Variants in DUSP29 observed in about 807,000 individuals in gnomAD.
DUSP29 encodes atypical dual-specific protein phosphatase.
In DUSP29, 12 loss-of-function variants were observed where a neutral mutation model predicts 13.5. The observed-to-expected ratio is 0.89, with a 90% confidence interval of 0.57 to 1.44. DUSP29 has a LOEUF of 1.44. Ranked by LOEUF, DUSP29 falls within the 40% of genes most tolerant of loss-of-function variation. The probability of loss-of-function intolerance (pLI) is 0.00; values close to 1 mark genes in which losing one functional copy is unlikely to be tolerated. For missense variants in DUSP29, 308 were observed against 301.1 expected (o/e 1.02, Z -0.17); for synonymous variants, 134 against 128.7 (o/e 1.04, Z -0.28).
intron 1 of DUSP29, among the ~76,000 whole-genome samples, chr10:75,071,945 C>A (rs1847338744): frequency 6.6e-6 from 1 of 152,232 alleles, no homozygotes; most frequent in Non-Finnish European, 1.5e-5. Context: ...CAGGCACTGG[C>A]AGGCCTGCAG....
chr10:75,038,179 A>G (rs996228474), intron 3 of DUSP29, 102 bp from the exon 4 acceptor site: 55 of 1,462,070 alleles, frequency 3.8e-5, no homozygotes, highest in Non-Finnish European at 4.5e-5. Flanking sequence ...TCGCCCACAG[A>G]AAGTGACTCA....
At chr10:75,044,063 C>G in intron 2 of DUSP29, 46 bp from the exon 3 acceptor site, 1 of 1,566,174 alleles carries the variant, frequency 6.4e-7, no homozygotes, top group African/African-American at 1.4e-5. Flanking sequence ...CGCCCTGCCC[C>G]GGGTCCGGGA....
chr10:75,056,567 T>C (rs1348981109), intron 2 of DUSP29, among the ~76,000 whole-genome samples: 1 of 151,314 alleles, frequency 6.6e-6, no homozygotes, highest in Non-Finnish European at 1.5e-5. Flanking sequence ...CTCAGGAGGC[T>C]GAGGCAAGAG....
At chr10:75,052,745 C>T (rs563836328) in intron 2 of DUSP29, among the ~76,000 whole-genome samples, 1 of 152,332 alleles carries the variant, frequency 6.6e-6, no homozygotes, top group East Asian at 1.9e-4. Flanking sequence ...AGCCACCACG[C>T]CTGGCCAACT....
At chr10:75,050,749 T>TG (rs1846808320) in intron 2 of DUSP29, among the ~76,000 whole-genome samples, 1 of 152,084 alleles carries the variant, frequency 6.6e-6, no homozygotes, top group Non-Finnish European at 1.5e-5. Flanking sequence ...GAGGAATGAG[T>TG]GGGGAGTGGG....
chr10:75,072,044 CTG>C (rs757010256), intron 1 of DUSP29, among the ~76,000 whole-genome samples: 3 of 152,218 alleles, frequency 2.0e-5, no homozygotes, highest in African/African-American at 7.2e-5. Context: ...CAGGGAAAAA[CTG>C]TCTCCCTTCT....
chr10:75,047,051 C>G (rs1846721835), intron 2 of DUSP29, among the ~76,000 whole-genome samples: 1 of 152,212 alleles, frequency 6.6e-6, no homozygotes, highest in African/African-American at 2.4e-5. Context: ...GACTCATTGC[C>G]TGACACCTCC....
chr10:75,039,758 A>G (rs1329791347), intron 3 of DUSP29, among the ~76,000 whole-genome samples: 1 of 152,150 alleles, frequency 6.6e-6, no homozygotes, highest in South Asian at 2.1e-4. Flanking sequence ...GTAACTTGCA[A>G]AGAAATTCTG....
At chr10:75,044,373 A>G (rs1846659005) in intron 2 of DUSP29, among the ~76,000 whole-genome samples, 1 of 151,416 alleles carries the variant, frequency 6.6e-6, no homozygotes, top group Non-Finnish European at 1.5e-5. Context: ...CTCCAGAATA[A>G]CCTGTTCATC....
chr10:75,062,822 C>A (rs1220439078), intron 1 of DUSP29, among the ~76,000 whole-genome samples: 2 of 152,174 alleles, frequency 1.3e-5, no homozygotes, highest in African/African-American at 4.8e-5. Flanking sequence ...CAATGACACA[C>A]ACAATATCAA....
Position 75,058,323 on chromosome 10 carries a change from A to C in DUSP29, c.192T>G (p.Ile64Met). ...TGGGCCTGGGCACTTACTCATCGCC[A>C]ATGTAGAGCTTGGGCCAGACCTCGT... ...HVNEVWPKLY[I>M]GDEATALDRY... The change falls in exon 2 of 4, where the codon ATT (isoleucine) becomes ATG (methionine). Residue 64 changes from isoleucine (I) to methionine (M), a missense_variant. Coordinates refer to ENST00000338487, the MANE Select transcript of DUSP29 (RefSeq NM_001003892.3). The C allele has an allele frequency of 6.2e-7, 1 of 1,613,078 alleles. No homozygotes were observed. Among genetic ancestry groups the C allele is most frequent in the Non-Finnish European group, 8.5e-7 (1 of 1,179,428 alleles).
chr10:75,066,070 A>G (rs11001277), intron 1 of DUSP29, among the ~76,000 whole-genome samples: 3,662 of 152,184 alleles, frequency 0.024, 152 homozygotes, highest in African/African-American at 0.083. Context: ...GTTCTGTGGC[A>G]TGGCCCAGAA....
intron 1 of DUSP29, among the ~76,000 whole-genome samples, chr10:75,070,605 C>A (rs114056757): frequency 0.018 from 2,673 of 152,230 alleles, 51 homozygotes; most frequent in African/African-American, 0.034. Flanking sequence ...GAATTCCCAG[C>A]TGTACTGGGA....
At chr10:75,072,458 T>C (rs1021465354) in intron 1 of DUSP29, among the ~76,000 whole-genome samples, 2 of 152,028 alleles carry the variant, frequency 1.3e-5, no homozygotes, top group Non-Finnish European at 2.9e-5. Context: ...CCACTAACTC[T>C]CCTCAGACCC....
At chr10:75,038,449 C>G (rs371034764) in intron 3 of DUSP29, among the ~76,000 whole-genome samples, 29 of 152,194 alleles carry the variant, frequency 1.9e-4, no homozygotes, top group African/African-American at 2.4e-4. Flanking sequence ...GGCATGACCG[C>G]GCTCCTGGGG....
chr10:75,055,548 A>T (rs564337628), intron 2 of DUSP29, among the ~76,000 whole-genome samples: 113 of 152,348 alleles, frequency 7.4e-4, no homozygotes, highest in African/African-American at 2.6e-3. Context: ...ATCTATAAAA[A>T]CAGAAAGTAG....
intron 3 of DUSP29, among the ~76,000 whole-genome samples, chr10:75,041,514 G>C (rs1212499043): frequency 6.6e-6 from 1 of 152,158 alleles, no homozygotes; most frequent in Non-Finnish European, 1.5e-5. Context: ...TTAGCCACAA[G>C]TGCCCCCTAC....
Position 75,037,842 on chromosome 10 carries a change from C to T in DUSP29, c.657G>A (p.Glu219=). 1 of 1,603,884 alleles carries T rather than the reference C, an allele frequency of 6.2e-7. No individual in the cohort carries two copies. Among genetic ancestry groups the T allele is most frequent in the Non-Finnish European group, 8.5e-7 (1 of 1,175,338 alleles). ...RQDGEEEDGR[E]L ...CTGGCCCTGTGAGTCGGGCCTACAG[C>T]TCCCTGCCATCCTCCTCCTCACCGT... Residue 219 remains glutamate, a synonymous_variant, in exon 4 of 4, where the codon GAG becomes GAA. Transcript: ENST00000338487.
chr10:75,058,310 C>G lies in DUSP29; in HGVS notation c.200+5G>C. 6.2e-7 allele frequency: 1 copy of G among 1,608,936 alleles called. No individual in the cohort carries two copies. Among genetic ancestry groups the G allele is most frequent in the Non-Finnish European group, 8.5e-7 (1 of 1,176,358 alleles). On this transcript the variant is annotated splice_donor_5th_base_variant and intron_variant, in intron 2 of 3. Transcript: ENST00000338487. ...TCCCAAGCGAGCCTGGGCCTGGGCACTTACTCATCGCCAATGTAGAGCTTG... is the reference window on the plus strand; with the variant it reads ...TCCCAAGCGAGCCTGGGCCTGGGCAGTTACTCATCGCCAATGTAGAGCTTG...
Sources: allele counts gnomAD v4.1 joint callset (sites outside exome capture counted in the v4.1 genomes callset), GRCh38; gene constraint gnomAD v4.1.1; transcripts MANE v1.5; gene names NCBI Gene and HGNC (gene_info 2026-07-23, HGNC 2026-07-21).